The following CSMD2 variants were observed in gnomAD, a reference collection of about 807,000 sequenced individuals.
CSMD2 encodes CUB and Sushi multiple domains 2.
Under a neutral mutation model 398.5 loss-of-function variants are expected in CSMD2, and 130 were observed. That is an observed-to-expected ratio of 0.33 (90% CI 0.28 to 0.38). The LOEUF (loss-of-function observed/expected upper bound fraction) is 0.38, where lower values mean the gene tolerates loss of function less well. Ranked by LOEUF, CSMD2 falls within the 10% of genes least tolerant of loss-of-function variation. CSMD2 has a pLI of 1.00. For missense variants in CSMD2, 3,829 were observed against 4,764.9 expected, an observed-to-expected ratio of 0.80 and a Z score of 5.78; for synonymous variants, 1,828 against 1,908.5, an observed-to-expected ratio of 0.96 and a Z score of 1.10.
intron 1 of CSMD2, among the ~76,000 whole-genome samples, chr1:34,108,031 T>C (rs907582053): frequency 3.3e-5 from 5 of 152,226 alleles, no homozygotes; most frequent in Non-Finnish European, 4.4e-5. Flanking sequence ...TGGCATTTCA[T>C]AGACACTCCA....
chr1:34,106,726 G>A (rs1660562169), intron 1 of CSMD2, among the ~76,000 whole-genome samples: 1 of 152,144 alleles, frequency 6.6e-6, no homozygotes, highest in Non-Finnish European at 1.5e-5. Flanking sequence ...TCAAGCTGGG[G>A]ATGCATGCAA....
chr1:33,970,694 C>T (rs1337589672), intron 3 of CSMD2, among the ~76,000 whole-genome samples: 1 of 152,214 alleles, frequency 6.6e-6, no homozygotes, highest in Non-Finnish European at 1.5e-5. Context: ...CGTGCAGGGA[C>T]AGGGCTGGGC....
At chr1:33,679,628 T>C (rs1263336767) in intron 25 of CSMD2, among the ~76,000 whole-genome samples, 1 of 152,234 alleles carries the variant, frequency 6.6e-6, no homozygotes, top group Non-Finnish European at 1.5e-5. Context: ...TGAAATCACA[T>C]AGAAAGCATC....
intron 56 of CSMD2, 100 bp downstream of exon 56, chr1:33,550,076 TC>T: frequency 8.2e-7 from 1 of 1,219,942 alleles, no homozygotes; most frequent in Non-Finnish European, 1.2e-6. Context: ...GAGGTCTGAT[TC>T]CCTCCCATCC....
chr1:33,820,596 C>T, intron 7 of CSMD2, 40 bp from the exon 8 acceptor site: 1 of 1,310,086 alleles, frequency 7.6e-7, no homozygotes, highest in Non-Finnish European at 1.1e-6. Context: ...AAACAGCACA[C>T]ACAGAGATGG....
chr1:33,668,298 G>A (rs1048915878), intron 25 of CSMD2, among the ~76,000 whole-genome samples: 1 of 152,190 alleles, frequency 6.6e-6, no homozygotes, highest in African/African-American at 2.4e-5. Flanking sequence ...TTTAAGCTGA[G>A]CTCTGACAGG....
chr1:34,079,435 A>G (rs1327590651), intron 2 of CSMD2, among the ~76,000 whole-genome samples: 2 of 152,240 alleles, frequency 1.3e-5, no homozygotes, highest in African/African-American at 2.4e-5. Context: ...TAGTCCAAAA[A>G]CAAATTTTTT....
chr1:34,038,877 C>T (rs1016734684), intron 2 of CSMD2, among the ~76,000 whole-genome samples: 7 of 152,182 alleles, frequency 4.6e-5, no homozygotes, highest in African/African-American at 1.7e-4. Flanking sequence ...AAATACTCTT[C>T]CCCCGCTTTT....
At chr1:33,593,475 G>A (rs540217468) in intron 44 of CSMD2, among the ~76,000 whole-genome samples, 18 of 152,354 alleles carry the variant, frequency 1.2e-4, no homozygotes, top group Admixed American at 3.9e-4. Context: ...TGAAAGGCAT[G>A]TCTCACATGG....
chr1:33,967,057 T>G (rs1383912518), intron 3 of CSMD2, among the ~76,000 whole-genome samples: 1 of 152,176 alleles, frequency 6.6e-6, no homozygotes, highest in Non-Finnish European at 1.5e-5. Flanking sequence ...TCATCACGAT[T>G]CTATTTAGTC....
chr1:33,928,996 G>A (rs149770675), intron 4 of CSMD2, among the ~76,000 whole-genome samples: 24 of 152,262 alleles, frequency 1.6e-4, no homozygotes, highest in Middle Eastern at 3.4e-3. Context: ...TCTCACAGGC[G>A]TCTCAAACGT....
chr1:33,791,713 C>T (rs1654337054), intron 11 of CSMD2, among the ~76,000 whole-genome samples: 1 of 152,164 alleles, frequency 6.6e-6, no homozygotes, highest in African/African-American at 2.4e-5. Context: ...GTTTTGACCT[C>T]CTGAGCTCAA....
At chr1:33,527,697 C>G (rs1220516498) in intron 64 of CSMD2, among the ~76,000 whole-genome samples, 1 of 152,166 alleles carries the variant, frequency 6.6e-6, no homozygotes, top group Non-Finnish European at 1.5e-5. Context: ...GTCACAGGTG[C>G]TAACACTCCT....
At chr1:33,521,420 C>A in intron 68 of CSMD2, 43 bp downstream of exon 68, 2 of 1,026,182 alleles carry the variant, frequency 1.9e-6, no homozygotes, top group South Asian at 2.5e-5. Flanking sequence ...GTTTCTCTCC[C>A]ACCCACCCGG....
Position 33,624,768 on chromosome 1 carries a change from G to A in CSMD2, c.5501-125C>T. On this transcript the variant is annotated intron_variant, in intron 34 of 70. Coordinates refer to ENST00000373381, the MANE Select transcript of CSMD2 (RefSeq NM_001281956.2). The surrounding 1 kb of genome is among the most constrained non-coding windows in gnomAD (Gnocchi z 4.7). ...CTCCCCATGGGGGTGTCTCCCTAAT[G>A]TCCCCAGTCCTGCCTTCTCCACGGC... is the stretch of plus-strand genomic sequence containing the variant. The A allele has an allele frequency of 7.8e-7, 1 of 1,284,246 alleles. No individual in the cohort carries two copies. Among genetic ancestry groups the A allele is most frequent in the Non-Finnish European group, 1.1e-6 (1 of 943,996 alleles). 79.6% of individuals were successfully genotyped at this position (1,284,246 alleles called of 1,614,324 possible).
chr1:33,577,117 C>T (rs904330584), intron 49 of CSMD2, among the ~76,000 whole-genome samples, 179 bp downstream of exon 49: 2 of 152,200 alleles, frequency 1.3e-5, no homozygotes, highest in African/African-American at 4.8e-5. Flanking sequence ...ACCCATCTCC[C>T]CCATGGATCT....
intron 37 of CSMD2, among the ~76,000 whole-genome samples, chr1:33,620,415 A>T (rs922303380): frequency 3.3e-5 from 5 of 152,206 alleles, no homozygotes; most frequent in Non-Finnish European, 7.3e-5. Flanking sequence ...GTTTCTCCGT[A>T]GCTCTTCCCA....
rs372693246 is a variant in CSMD2 at position 34,155,252 on chromosome 1, A to G, written c.187+9659T>C. On this transcript the variant is annotated intron_variant, in intron 1 of 70. Coordinates refer to ENST00000373381, the MANE Select transcript of CSMD2 (RefSeq NM_001281956.2). Reference sequence around the variant, plus strand: ...TGGGGTGCAGAAAACAGAAAACGTCAACTGTGCCTTCCACGTAACTCAGGA... The same window carrying G: ...TGGGGTGCAGAAAACAGAAAACGTCGACTGTGCCTTCCACGTAACTCAGGA... Among the ~76,000 whole-genome samples, 3 of 152,184 alleles carry G rather than the reference A, an allele frequency of 2.0e-5. No homozygotes were observed. In the East Asian group the frequency reaches 5.8e-4, roughly 29 times the overall value.
At chr1:33,671,743 T>G (rs1644506995) in intron 25 of CSMD2, among the ~76,000 whole-genome samples, 1 of 152,132 alleles carries the variant, frequency 6.6e-6, no homozygotes, top group Non-Finnish European at 1.5e-5. Flanking sequence ...CAGGAGATTT[T>G]CTACCAGAGC....
Sources: gnomAD v4.1 joint callset for allele counts (sites outside exome capture counted in the v4.1 genomes callset) on GRCh38, gnomAD v4.1.1 for gene constraint, Gnocchi (gnomAD v3.1) non-coding constraint, MANE v1.5 for transcripts, NCBI Gene and HGNC (gene_info 2026-07-23, HGNC 2026-07-21) for gene names.